Variants in PIK3R4 observed in about 807,000 individuals in gnomAD.
PIK3R4 encodes the protein phosphoinositide 3-kinase regulatory subunit 4.
PIK3R4 carries 46 observed loss-of-function variants against 136.5 expected under a neutral mutation model. The ratio of observed to expected loss-of-function variants is 0.34; its 90% confidence interval spans 0.27 to 0.43. The LOEUF (loss-of-function observed/expected upper bound fraction) is 0.43, where lower values mean the gene tolerates loss of function less well. Ranked by LOEUF, PIK3R4 falls within the 20% of genes least tolerant of loss-of-function variation. PIK3R4 has a pLI of 1.00. For missense variants in PIK3R4, 1,331 were observed against 1,649.5 expected (o/e 0.81, Z 3.35); for synonymous variants, 557 against 566.7 (o/e 0.98, Z 0.24).
chr3:130,723,551 A>G lies in PIK3R4; in HGVS notation c.1844T>C (p.Ile615Thr). Residue 615 changes from isoleucine (I) to threonine (T), a missense_variant, in exon 7 of 20, where the codon ATT becomes ACT. Physicochemically the swap from Ile to Thr is moderately conservative, Grantham distance 89 (BLOSUM62 -1). Around this residue, in one of 2 missense-constraint regions of PIK3R4, gnomAD observed 1,180 missense variants for 1,407.0 expected, o/e 0.84. Coordinates refer to ENST00000356763, the MANE Select transcript of PIK3R4 (RefSeq NM_014602.3). The stretch of plus-strand genomic sequence containing the variant: ...ACCTTGTTGCAGCAGAGGCTTGAGA[A>G]TTGAGGAGCTTTGCCAGCCAACATA... ...AAYVGWQSSS[I>T]LKPLLQQGLS... is the part of the protein sequence containing the mutation. 1 of 1,613,490 alleles carries G rather than the reference A, an allele frequency of 6.2e-7. No homozygotes were observed. Among genetic ancestry groups the G allele is most frequent in the African/African-American group, 1.3e-5 (1 of 75,012 alleles).
chr3:130,691,813 T>A lies in PIK3R4; in HGVS notation c.3099-1159A>T, dbSNP rs535075347. Reference sequence around the variant, plus strand: ...ACATATTACAATACATTCACACTTGTTTTTTTTAAAAAAATCTGTAATATT... The same window carrying A: ...ACATATTACAATACATTCACACTTGATTTTTTTAAAAAAATCTGTAATATT... On this transcript the variant is annotated intron_variant, in intron 13 of 19. Transcript: ENST00000356763. Among the ~76,000 whole-genome samples, 616 of 151,010 alleles carry A rather than the reference T, an allele frequency of 4.1e-3. 1 individual carries two copies. Among genetic ancestry groups the A allele is most frequent in the African/African-American group, 0.014 (572 of 40,724 alleles).
chr3:130,709,477 G>A (rs1035173930), intron 9 of PIK3R4, among the ~76,000 whole-genome samples: 2 of 152,140 alleles, frequency 1.3e-5, no homozygotes, highest in Middle Eastern at 3.4e-3. Context: ...AGGGCACAAA[G>A]CTAAAAAACA....
At chr3:130,720,381 G>A (rs565388127) in intron 7 of PIK3R4, among the ~76,000 whole-genome samples, 103 of 152,264 alleles carry the variant, frequency 6.8e-4, no homozygotes, top group African/African-American at 2.3e-3. Context: ...TTTTAGTAGA[G>A]ACGGAGTTTC....
intron 5 of PIK3R4, 41 bp downstream of exon 5, chr3:130,730,267 A>C (rs1386492068): frequency 6.6e-7 from 1 of 1,521,674 alleles, no homozygotes; most frequent in Non-Finnish European, 9.0e-7. Flanking sequence ...TCAGCAATTC[A>C]TTCTAAATAA....
intron 2 of PIK3R4, among the ~76,000 whole-genome samples, chr3:130,737,785 A>C (rs1267645977): frequency 6.6e-6 from 1 of 152,244 alleles, no homozygotes; most frequent in Admixed American, 6.5e-5. Flanking sequence ...AAACACATCT[A>C]ACTCAAAGCC....
intron 13 of PIK3R4, among the ~76,000 whole-genome samples, chr3:130,695,546 G>A (rs1301129149): frequency 2.6e-5 from 4 of 152,118 alleles, no homozygotes; most frequent in Non-Finnish European, 4.4e-5. Context: ...TCCAGCTGAA[G>A]ACATTACCTG....
At chr3:130,680,787 C>A in intron 18 of PIK3R4, 66 bp from the exon 19 acceptor site, 2 of 1,015,134 alleles carry the variant, frequency 2.0e-6, no homozygotes, top group South Asian at 1.4e-5. Flanking sequence ...TAATCATTGG[C>A]TTATCTTCAT....
At chr3:130,720,276 A>G (rs572486108) in intron 7 of PIK3R4, among the ~76,000 whole-genome samples, 1 of 151,970 alleles carries the variant, frequency 6.6e-6, no homozygotes, top group East Asian at 1.9e-4. Context: ...ACTCATCGCA[A>G]CCTCCGCCTC....
intron 4 of PIK3R4, among the ~76,000 whole-genome samples, chr3:130,732,714 C>T (rs1314922936): frequency 6.6e-6 from 1 of 151,290 alleles, no homozygotes; most frequent in East Asian, 1.9e-4. Context: ...GAGATAAGAC[C>T]AGAGTCCAAA....
chr3:130,684,707 T>C (rs549346239), intron 15 of PIK3R4, among the ~76,000 whole-genome samples: 156 of 152,162 alleles, frequency 1.0e-3, no homozygotes, highest in African/African-American at 3.6e-3. Context: ...AGATACAAAA[T>C]GAATTTGGTA....
At chr3:130,723,234 G>C (rs1430983008) in intron 7 of PIK3R4, among the ~76,000 whole-genome samples, 180 bp downstream of exon 7, 2 of 151,834 alleles carry the variant, frequency 1.3e-5, no homozygotes, top group Admixed American at 6.6e-5. Context: ...CAGCTTGTCT[G>C]TCTCTCACAT....
Position 130,728,435 on chromosome 3 carries a change from T to TA in PIK3R4, c.1807+27dup, listed in dbSNP as rs761614422. ...TATTTGAGAGGATGATTAAAAATCT[T>TA]AAAGGAATTTAAAAGCAAAAAACAT... is the stretch of plus-strand genomic sequence containing the variant. On this transcript the variant is annotated intron_variant, in intron 6 of 19. Transcript: ENST00000356763. 10 of 1,432,356 alleles carry TA rather than the reference T, an allele frequency of 7.0e-6. No individual in the cohort carries two copies. In the East Asian group the frequency reaches 1.9e-4, roughly 27 times the overall value. The allele number at this position is 1,432,356 out of a possible 1,614,324, so 88.7% of individuals were successfully genotyped here.
chr3:130,692,232 A>G (rs566634061), intron 13 of PIK3R4, among the ~76,000 whole-genome samples: 1 of 152,290 alleles, frequency 6.6e-6, no homozygotes, highest in African/African-American at 2.4e-5. Flanking sequence ...CATAGATTTT[A>G]AAGTGCATAA....
intron 1 of PIK3R4, 130 bp from the exon 2 acceptor site, chr3:130,745,394 AC>A: frequency 1.8e-6 from 1 of 546,812 alleles, no homozygotes; most frequent in South Asian, 3.3e-5. Flanking sequence ...ACAGCACTGT[AC>A]CTAGCCTTCT....
intron 7 of PIK3R4, among the ~76,000 whole-genome samples, chr3:130,723,062 C>CAAAAA (rs61129038): frequency 4.1e-4 from 8 of 19,500 alleles, no homozygotes; most frequent in East Asian, 2.1e-3. Flanking sequence ...GAGACTGTCG[C>CAAAAA]AAAAAAAAAA....
chr3:130,740,288 A>C (rs2066814715), intron 2 of PIK3R4, among the ~76,000 whole-genome samples: 1 of 152,264 alleles, frequency 6.6e-6, no homozygotes, highest in Non-Finnish European at 1.5e-5. Context: ...CCTGAACCCT[A>C]AACAAGGTCC....
chr3:130,738,401 G>A (rs1181716564), intron 2 of PIK3R4, among the ~76,000 whole-genome samples: 2 of 152,080 alleles, frequency 1.3e-5, no homozygotes, highest in Non-Finnish European at 2.9e-5. Flanking sequence ...AGAAGTTGGT[G>A]CTGAGGCGAA....
intron 2 of PIK3R4, among the ~76,000 whole-genome samples, chr3:130,737,098 G>A (rs2066790270): frequency 6.6e-6 from 1 of 152,126 alleles, no homozygotes; most frequent in Admixed American, 6.5e-5. Context: ...CCTCTACCTA[G>A]AATGCTATTC....
Position 130,744,591 on chromosome 3 carries a change from T to C in PIK3R4, c.628A>G (p.Thr210Ala). 1 of 1,614,234 alleles carries C rather than the reference T, an allele frequency of 6.2e-7. No individual in the cohort carries two copies. Residue 210 changes from threonine (T) to alanine (A), a missense_variant, in exon 2 of 20, where the codon ACT becomes GCT. Physicochemically the swap from Thr to Ala is moderately conservative, Grantham distance 58. Transcript: ENST00000356763. The stretch of plus-strand genomic sequence containing the variant: ...GGATCTCTCATATATTCTAACTCAG[T>C]GGCAAACATCCCACCATCAACAAAA... ...ERFVDGGMFA[T>A]ELEYMRDPST...
Sources: gnomAD v4.1 joint callset for allele counts (sites outside exome capture counted in the v4.1 genomes callset) on GRCh38, gnomAD v4.1.1 for gene constraint, gnomAD v4.1.1 regional missense constraint, MANE v1.5 for transcripts, NCBI Gene and HGNC (gene_info 2026-07-23, HGNC 2026-07-21) for gene names.